JAKMIP2: variants seen among roughly 807,000 people sequenced by gnomAD.
JAKMIP2 encodes janus kinase and microtubule-interacting protein 2.
In JAKMIP2, 25 loss-of-function variants were observed where a neutral mutation model predicts 115.0. That is an observed-to-expected ratio of 0.22 (90% CI 0.16 to 0.30). The LOEUF is 0.30. Ranked by LOEUF, JAKMIP2 falls within the 10% of genes least tolerant of loss-of-function variation. JAKMIP2 has a pLI of 1.00. For synonymous variants in JAKMIP2, 334 were observed against 343.6 expected (o/e 0.97, Z 0.31); for missense variants, 642 against 957.6 (o/e 0.67, Z 4.35).
chr5:147,750,811 ATCTC>A (rs1050439085), intron 1 of JAKMIP2, among the ~76,000 whole-genome samples: 1 of 152,042 alleles, frequency 6.6e-6, no homozygotes, highest in Non-Finnish European at 1.5e-5. Context: ...AACACCAGAG[ATCTC>A]TCTCCTAGTG....
chr5:147,729,369 C>T (rs1033693188), intron 1 of JAKMIP2, among the ~76,000 whole-genome samples: 2 of 152,152 alleles, frequency 1.3e-5, no homozygotes, highest in Non-Finnish European at 2.9e-5. Context: ...TAGGTGTCAT[C>T]AGTAAACCCT....
At chr5:147,674,410 T>C (rs760417125) in intron 1 of JAKMIP2, among the ~76,000 whole-genome samples, 2 of 152,172 alleles carry the variant, frequency 1.3e-5, no homozygotes, top group Non-Finnish European at 2.9e-5. Context: ...AAGAATAGGC[T>C]TTTCTAAATG....
At chr5:147,763,869 A>G (rs1405178673) in intron 1 of JAKMIP2, among the ~76,000 whole-genome samples, 1 of 152,148 alleles carries the variant, frequency 6.6e-6, no homozygotes, top group African/African-American at 2.4e-5. Flanking sequence ...TACCACAAAA[A>G]TTTACCTCAA....
chr5:147,717,700 T>A (rs1452358888), intron 1 of JAKMIP2, among the ~76,000 whole-genome samples: 1 of 150,920 alleles, frequency 6.6e-6, no homozygotes, highest in Non-Finnish European at 1.5e-5. Context: ...TGATTTTGTA[T>A]CCTGAGACTT....
At chr5:147,681,830 C>T (rs569909809) in intron 1 of JAKMIP2, among the ~76,000 whole-genome samples, 2 of 151,982 alleles carry the variant, frequency 1.3e-5, no homozygotes, top group South Asian at 2.1e-4. Context: ...TCGCTTGAGT[C>T]CAGGAGCTCC....
chr5:147,591,602 C>G lies in JAKMIP2; in HGVS notation c.*105G>C, dbSNP rs1755095434. On this transcript the variant is annotated 3_prime_UTR_variant, in exon 22 of 22. Coordinates refer to ENST00000616793, the MANE Select transcript of JAKMIP2 (RefSeq NM_001270941.2). ...GGGTAGTTCTTAGCTTTTGATCTCC[C>G]TCTCACTGGTGTAAACAATTTTGCC... 7.3e-6 allele frequency: 9 copies of G among 1,239,084 alleles called. No homozygotes were observed. Among genetic ancestry groups the G allele is most frequent in the Non-Finnish European group, 9.5e-6 (8 of 845,508 alleles). The allele number at this position is 1,239,084 out of a possible 1,614,324, so 76.8% of individuals were successfully genotyped here.
At chr5:147,679,897 A>G (rs1273556637) in intron 1 of JAKMIP2, among the ~76,000 whole-genome samples, 1 of 152,216 alleles carries the variant, frequency 6.6e-6, no homozygotes, top group Non-Finnish European at 1.5e-5. Context: ...GATGTGATAA[A>G]GAGAGCGATT....
At chr5:147,700,574 C>T (rs1327059588) in intron 1 of JAKMIP2, among the ~76,000 whole-genome samples, 1 of 152,136 alleles carries the variant, frequency 6.6e-6, no homozygotes, top group Non-Finnish European at 1.5e-5. Context: ...ATAACAGCAG[C>T]TTTAGAATTT....
intron 20 of JAKMIP2, among the ~76,000 whole-genome samples, chr5:147,605,499 G>A (rs531018639): frequency 1.3e-5 from 2 of 152,166 alleles, no homozygotes; most frequent in East Asian, 1.9e-4. Flanking sequence ...GTGAGCCACC[G>A]GGCCTGGGCC....
chr5:147,632,338 T>C (rs1199403879), intron 13 of JAKMIP2, among the ~76,000 whole-genome samples: 1 of 152,186 alleles, frequency 6.6e-6, no homozygotes. Context: ...AGGATGGACA[T>C]GAGTATTTAA....
At chr5:147,637,639 C>T (rs1375239905) in intron 10 of JAKMIP2, among the ~76,000 whole-genome samples, 1 of 151,922 alleles carries the variant, frequency 6.6e-6, no homozygotes, top group African/African-American at 2.4e-5. Flanking sequence ...GGGGTTTCAC[C>T]GTGTTGGCCT....
At position 147,601,514 on chromosome 5, in the gene JAKMIP2, G is replaced by A. The variant is rs372875253; in HGVS notation, c.*20+227C>T. Reference sequence around the variant, plus strand: ...CTCAGGAGGCTGAGGTTGGAGGATCGCTTTGAGCCTGGGAGATTGAGGCTG... The same window carrying A: ...CTCAGGAGGCTGAGGTTGGAGGATCACTTTGAGCCTGGGAGATTGAGGCTG... On this transcript the variant is annotated intron_variant, in intron 21 of 21. Transcript: ENST00000616793. Among the ~76,000 whole-genome samples the A allele has an allele frequency of 6.8e-4, 104 of 152,186 alleles. 1 individual carries two copies. In the South Asian group the frequency reaches 0.021, roughly 31 times the overall value.
chr5:147,721,497 C>T (rs1010837716), intron 1 of JAKMIP2, among the ~76,000 whole-genome samples: 19 of 151,968 alleles, frequency 1.3e-4, no homozygotes, highest in African/African-American at 4.1e-4. Context: ...TAGCAATCAG[C>T]GAGACTCCGT....
chr5:147,623,831 T>G (rs1461701948), intron 16 of JAKMIP2, 142 bp from the exon 17 acceptor site: 2 of 538,390 alleles, frequency 3.7e-6, no homozygotes, highest in African/African-American at 2.0e-5. Flanking sequence ...CACCTTTTTT[T>G]GCTTGTTTGT....
chr5:147,743,792 T>C (rs1389534954), intron 1 of JAKMIP2, among the ~76,000 whole-genome samples: 1 of 152,166 alleles, frequency 6.6e-6, no homozygotes, highest in Non-Finnish European at 1.5e-5. Context: ...CTTGAAGCCC[T>C]TAACCTCTTA....
intron 19 of JAKMIP2, among the ~76,000 whole-genome samples, chr5:147,615,749 C>T (rs1040579212): frequency 3.0e-4 from 46 of 152,144 alleles, no homozygotes; most frequent in South Asian, 1.2e-3. Context: ...ATGGGTCCTT[C>T]GTTTTGTGAA....
chr5:147,699,105 A>G (rs1752223500), intron 1 of JAKMIP2, among the ~76,000 whole-genome samples: 1 of 152,256 alleles, frequency 6.6e-6, no homozygotes, highest in Non-Finnish European at 1.5e-5. Context: ...ATAAAAGAGA[A>G]AATATACACC....
At position 147,637,035 on chromosome 5, in the gene JAKMIP2, A is replaced by C; in HGVS notation, c.1544T>G (p.Leu515Arg). 1 of 865,736 alleles carries C rather than the reference A, an allele frequency of 1.2e-6. No homozygotes were observed. Among genetic ancestry groups the C allele is most frequent in the Non-Finnish European group, 2.0e-6 (1 of 497,852 alleles). The allele number at this position is 865,736 out of a possible 1,614,324, so 53.6% of individuals were successfully genotyped here. The change falls in exon 11 of 22, where the codon CTC becomes CGC. Residue 515 changes from leucine (L) to arginine (R), a missense_variant. Physicochemically the swap from Leu to Arg is moderately radical, Grantham distance 102 (BLOSUM62 -2). Coordinates refer to ENST00000616793, the MANE Select transcript of JAKMIP2 (RefSeq NM_001270941.2). Reference protein sequence around the residue: ...AEREAKAQEQLQAEVLRYKAK... With the variant: ...AEREAKAQEQRQAEVLRYKAK... ...TTTATACCTTAGCACCTCTGCTTGG[A>C]GCTGTTCTTGAGCCTGGTGAAACCA... is the stretch of plus-strand genomic sequence containing the variant.
chr5:147,759,326 T>C (rs1009186293), intron 1 of JAKMIP2, among the ~76,000 whole-genome samples: 17 of 152,192 alleles, frequency 1.1e-4, no homozygotes, highest in African/African-American at 3.4e-4. Context: ...AAAAATGAGA[T>C]GGCATATCAA....
Sources: allele counts gnomAD v4.1 joint callset (sites outside exome capture counted in the v4.1 genomes callset), GRCh38; gene constraint gnomAD v4.1.1; transcripts MANE v1.5; gene names NCBI Gene and HGNC (gene_info 2026-07-23, HGNC 2026-07-21).